The following PAX7 variants were observed in gnomAD, a reference collection of about 807,000 sequenced individuals.
The protein encoded by PAX7 is paired box 7.
Under a neutral mutation model 50.7 loss-of-function variants are expected in PAX7, and 18 were observed. That is an observed-to-expected ratio of 0.36 (90% CI 0.25 to 0.53). The LOEUF is 0.53. Ranked by LOEUF, PAX7 falls within the 20% of genes least tolerant of loss-of-function variation. The pLI is 0.93. For synonymous variants in PAX7, 310 were observed against 290.4 expected, an observed-to-expected ratio of 1.07 and a Z score of -0.69; for missense variants, 644 against 702.9, an observed-to-expected ratio of 0.92 and a Z score of 0.95.
chr1:18,632,977 A>G lies in PAX7; in HGVS notation c.85+1289A>G, dbSNP rs1452211174. Among the ~76,000 whole-genome samples the G allele has an allele frequency of 7.9e-4, 120 of 152,348 alleles. 2 individuals are homozygous for G. The highest frequency in any genetic ancestry group is 2.6e-4 in the Non-Finnish European group (18 of 68,030). ...CCCAACATGACGCAGAATACTGAGG[A>G]GAGCCGAGTGCCGGTCGCTAAAGAG... On this transcript the variant is annotated intron_variant, in intron 1 of 8. Coordinates refer to ENST00000420770, the MANE Select transcript of PAX7 (RefSeq NM_001135254.2). This position sits in a 1 kb window ranked among gnomAD's most constrained non-coding sequence, Gnocchi z 6.3.
intron 4 of PAX7, among the ~76,000 whole-genome samples, chr1:18,660,463 G>A (rs1487980415): frequency 6.6e-6 from 1 of 152,114 alleles, no homozygotes; most frequent in Non-Finnish European, 1.5e-5. Context: ...CCAAAGTGGG[G>A]GATGATTGAG....
At chr1:18,666,197 C>T (rs1014784049) in intron 4 of PAX7, among the ~76,000 whole-genome samples, 9 of 152,204 alleles carry the variant, frequency 5.9e-5, no homozygotes, top group South Asian at 2.1e-4. Context: ...ATTTGCACCT[C>T]CTTTCCCCAG....
chr1:18,720,455 C>G (rs1166587513), intron 7 of PAX7, among the ~76,000 whole-genome samples: 3 of 152,126 alleles, frequency 2.0e-5, no homozygotes, highest in Non-Finnish European at 4.4e-5. Flanking sequence ...CTGGGCACAT[C>G]AAGCTCCTGG....
At position 18,703,105 on chromosome 1, in the gene PAX7, A is replaced by T. The variant is rs752507470; in HGVS notation, c.964A>T (p.Thr322Ser). 3 of 1,613,708 alleles carry T rather than the reference A, an allele frequency of 1.9e-6. No homozygotes were observed. The highest frequency in any genetic ancestry group is 2.5e-6 in the Non-Finnish European group (3 of 1,179,836). ...TTTISQDGGS[T>S]VHRPQPLPPS... ...GGGTCTCTCTACAGATGGGGGCAGC[A>T]CTGTGCACCGGCCTCAGCCCCTGCC... The change falls in exon 7 of 9, where the codon ACT becomes TCT. Residue 322 changes from threonine to serine, a missense_variant. Physicochemically the swap from Thr to Ser is moderately conservative, Grantham distance 58 (BLOSUM62 1). Transcript: ENST00000420770.
At chr1:18,685,877 G>A (rs1263044382) in intron 4 of PAX7, among the ~76,000 whole-genome samples, 1 of 151,454 alleles carries the variant, frequency 6.6e-6, no homozygotes. Flanking sequence ...GATGATGGGA[G>A]CTGCCCCCAG....
At chr1:18,731,605 C>T (rs879419993) in intron 7 of PAX7, among the ~76,000 whole-genome samples, 5 of 152,162 alleles carry the variant, frequency 3.3e-5, no homozygotes, top group East Asian at 1.9e-4. Flanking sequence ...TCTCCCCTCC[C>T]GCCGCTCTCC....
rs551004411 is a variant in PAX7, at chr1:18,673,430, C to T, written c.587-18324C>T. Among the ~76,000 whole-genome samples the T allele has an allele frequency of 3.9e-5, 6 of 152,262 alleles. No individual in the cohort carries two copies. In the South Asian group the frequency reaches 1.0e-3, roughly 26 times the overall value. The stretch of plus-strand genomic sequence containing the variant: ...TCCCAAATATCTAGAAGCATGACTT[C>T]GTGCCCTGTCAGAACCAGTGTGTTT... On this transcript the variant is annotated intron_variant, in intron 4 of 8. Coordinates refer to ENST00000420770, the MANE Select transcript of PAX7 (RefSeq NM_001135254.2).
chr1:18,690,956 T>C (rs2089059715), intron 4 of PAX7, among the ~76,000 whole-genome samples: 1 of 152,158 alleles, frequency 6.6e-6, no homozygotes, highest in African/African-American at 2.4e-5. Context: ...AATCTAAGCT[T>C]CTTGATGGGC....
In PAX7 at chr1:18,727,481, C is replaced by T. The variant is rs536663763; in HGVS notation, c.1156-8151C>T. On this transcript the variant is annotated intron_variant, in intron 7 of 8. Coordinates refer to ENST00000420770, the MANE Select transcript of PAX7 (RefSeq NM_001135254.2). ...ATGAAGGCCACAGCCAGGCACAAGG[C>T]GATCACCTTCTAGCATCAGACCAGA... Among the ~76,000 whole-genome samples, 19 of 152,116 alleles carry T rather than the reference C, an allele frequency of 1.2e-4. No individual in the cohort carries two copies. In the East Asian group the frequency reaches 3.3e-3, roughly 26 times the overall value.
In PAX7 at chr1:18,682,571, C is replaced by T. The variant is rs369797067; in HGVS notation, c.587-9183C>T. Among the ~76,000 whole-genome samples, 8 of 152,318 alleles carry T rather than the reference C, an allele frequency of 5.3e-5. No individual in the cohort carries two copies. The South Asian group carries it at 1.7e-3, about 32-fold the overall frequency. ...GGAGCAGCCTGAAGTGGGCGGGACT[C>T]CAGCCCTAGAAAACCCCACATTAGA... On this transcript the variant is annotated intron_variant, in intron 4 of 8. Coordinates refer to ENST00000420770, the MANE Select transcript of PAX7 (RefSeq NM_001135254.2).
intron 4 of PAX7, among the ~76,000 whole-genome samples, chr1:18,640,463 A>T (rs951584247): frequency 1.3e-5 from 2 of 150,958 alleles, no homozygotes; most frequent in African/African-American, 4.9e-5. Flanking sequence ...GGATCTTCGA[A>T]AACCAGGAAG....
intron 6 of PAX7, 44 bp from the exon 7 acceptor site, chr1:18,703,050 G>C (rs749962813): frequency 6.4e-7 from 1 of 1,569,386 alleles, no homozygotes; most frequent in Admixed American, 1.7e-5. Context: ...CCAGCGTCCA[G>C]GATGAGGCCA....
Position 18,635,062 on chromosome 1 carries a change from C to G in PAX7, c.322-49C>G, listed in dbSNP as rs746707682. 6.9e-6 allele frequency: 11 copies of G among 1,601,512 alleles called. No homozygotes were observed. In the Admixed American group the frequency reaches 1.3e-4, roughly 20 times the overall value. The stretch of plus-strand genomic sequence containing the variant: ...GAGGTGATATTAAAAGTATTTTCCT[C>G]CCCCCATCCCATCTTTCCACTCCTA... On this transcript the variant is annotated intron_variant, in intron 2 of 8. Transcript: ENST00000420770.
At chr1:18,705,165 C>A (rs1189531880) in intron 7 of PAX7, among the ~76,000 whole-genome samples, 1 of 152,248 alleles carries the variant, frequency 6.6e-6, no homozygotes, top group Non-Finnish European at 1.5e-5. Flanking sequence ...GTGAGCTAAA[C>A]CCTGCACATG....
At chr1:18,662,927 C>A (rs2088621027) in intron 4 of PAX7, among the ~76,000 whole-genome samples, 1 of 150,744 alleles carries the variant, frequency 6.6e-6, no homozygotes, top group South Asian at 2.1e-4. Context: ...AAAAAAAAAA[C>A]CTCAAACACT....
chr1:18,643,026 G>A (rs2100439185), intron 4 of PAX7, among the ~76,000 whole-genome samples: 1 of 152,236 alleles, frequency 6.6e-6, no homozygotes, highest in South Asian at 2.1e-4. Flanking sequence ...GGCTGCACTT[G>A]GAACTTCAAC....
intron 7 of PAX7, among the ~76,000 whole-genome samples, chr1:18,706,459 TC>T (rs201649569): frequency 0.048 from 6,088 of 127,672 alleles, 224 homozygotes; most frequent in African/African-American, 0.098. Flanking sequence ...TCTCTCTCTC[TC>T]TTTTTTTTTT....
intron 4 of PAX7, among the ~76,000 whole-genome samples, chr1:18,656,394 G>A (rs934428208): frequency 6.6e-6 from 1 of 152,172 alleles, no homozygotes; most frequent in South Asian, 2.1e-4. Context: ...AGCTACTCGG[G>A]AGGCTGAGGC....
Position 18,634,901 on chromosome 1 carries a change from C to T in PAX7, c.322-210C>T, listed in dbSNP as rs2100418824. On this transcript the variant is annotated intron_variant, in intron 2 of 8. Transcript: ENST00000420770. The surrounding 1 kb of genome is among the most constrained non-coding windows in gnomAD (Gnocchi z 4.0). ...TTTTTATTGCCTATCCATGTCCCAC[C>T]CCACCCCACCTGGCCAGACCCCCAG... 6.6e-6 allele frequency among the ~76,000 whole-genome samples: 1 copy of T among 152,206 alleles called. No individual in the cohort carries two copies. Among genetic ancestry groups the T allele is most frequent in the Middle Eastern group, 3.4e-3 (1 of 294 alleles).
Sources: allele counts gnomAD v4.1 joint callset (sites outside exome capture counted in the v4.1 genomes callset), GRCh38; gene constraint gnomAD v4.1.1; non-coding constraint Gnocchi (gnomAD v3.1); transcripts MANE v1.5; gene names NCBI Gene and HGNC (gene_info 2026-07-23, HGNC 2026-07-21).